ARL13B: variants seen among roughly 807,000 people sequenced by gnomAD.
ARL13B encodes the protein ADP-ribosylation factor-like protein 13B.
In ARL13B, 36 loss-of-function variants were observed where a neutral mutation model predicts 56.1. The ratio of observed to expected loss-of-function variants is 0.64; its 90% CI spans 0.49 to 0.85. The LOEUF (loss-of-function observed/expected upper bound fraction) is 0.85, where lower values mean the gene tolerates loss of function less well. Among genes scored for constraint, ARL13B ranks in the 40% least tolerant of loss-of-function variants. ARL13B has a pLI of 0.00. For missense variants in ARL13B, 519 were observed against 507.1 expected, an observed-to-expected ratio of 1.02 and a Z score of -0.23; for synonymous variants, 178 against 171.1, an observed-to-expected ratio of 1.04 and a Z score of -0.32.
chr3:93,994,022 T>C (rs1055073724), intron 1 of ARL13B, among the ~76,000 whole-genome samples: 1 of 152,200 alleles, frequency 6.6e-6, no homozygotes, highest in African/African-American at 2.4e-5. Context: ...CCATGCTAGG[T>C]ATGGGATGGT....
At chr3:94,001,044 A>C (rs1268490303) in intron 2 of ARL13B, among the ~76,000 whole-genome samples, 2 of 152,188 alleles carry the variant, frequency 1.3e-5, no homozygotes, top group Non-Finnish European at 2.9e-5. Context: ...AATGCTAAGG[A>C]TACAAAGACA....
chr3:94,047,277 A>G (rs1180765151), intron 7 of ARL13B, among the ~76,000 whole-genome samples: 2 of 152,174 alleles, frequency 1.3e-5, no homozygotes, highest in African/African-American at 4.8e-5. Context: ...CTGGATGAAA[A>G]TATTAATTTG....
intron 3 of ARL13B, among the ~76,000 whole-genome samples, chr3:94,018,588 A>G (rs1427781067): frequency 2.0e-5 from 3 of 152,080 alleles, no homozygotes; most frequent in Non-Finnish European, 4.4e-5. Flanking sequence ...TTGTAAGCTG[A>G]TGACCCAAAT....
At chr3:94,049,146 A>G (rs1298410636) in intron 7 of ARL13B, among the ~76,000 whole-genome samples, 7 of 151,476 alleles carry the variant, frequency 4.6e-5, no homozygotes, top group African/African-American at 1.7e-4. Flanking sequence ...ATTCTGAAAA[A>G]CCTCTCAGAA....
At chr3:94,037,157 C>T (rs2076783237) in intron 5 of ARL13B, among the ~76,000 whole-genome samples, 1 of 152,094 alleles carries the variant, frequency 6.6e-6, no homozygotes, top group Admixed American at 6.5e-5. Flanking sequence ...GCCAGGGATG[C>T]AGCTAAACAT....
At chr3:94,046,874 T>C (rs556189224) in intron 7 of ARL13B, among the ~76,000 whole-genome samples, 2 of 152,166 alleles carry the variant, frequency 1.3e-5, no homozygotes, top group Non-Finnish European at 2.9e-5. Flanking sequence ...TTTCTTTTTC[T>C]AACTGGCTAT....
intron 3 of ARL13B, among the ~76,000 whole-genome samples, chr3:94,030,205 A>C (rs571655306): frequency 1.3e-5 from 2 of 152,110 alleles, no homozygotes; most frequent in African/African-American, 4.8e-5. Flanking sequence ...TATAGTTCTG[A>C]ATTTAGAACC....
At chr3:94,039,651 A>G (rs183957653) in intron 5 of ARL13B, among the ~76,000 whole-genome samples, 2 of 152,328 alleles carry the variant, frequency 1.3e-5, no homozygotes, top group African/African-American at 4.8e-5. Context: ...AGTCACTCAT[A>G]GGAAATGTCA....
At chr3:93,996,001 T>A (rs2075959885) in intron 2 of ARL13B, 57 bp downstream of exon 2, 2 of 1,534,520 alleles carry the variant, frequency 1.3e-6, no homozygotes, top group African/African-American at 2.8e-5. Context: ...CTGAATTATT[T>A]ATTTTGTTAA....
intron 5 of ARL13B, among the ~76,000 whole-genome samples, chr3:94,039,181 G>A (rs2076820053): frequency 6.6e-6 from 1 of 152,222 alleles, no homozygotes; most frequent in South Asian, 2.1e-4. Flanking sequence ...AGAAGACTTA[G>A]CCCTTAAGAA....
chr3:94,009,201 A>C (rs2076183215), intron 3 of ARL13B, among the ~76,000 whole-genome samples: 3 of 152,114 alleles, frequency 2.0e-5, no homozygotes, highest in Admixed American at 2.0e-4. Flanking sequence ...AAGTGTATGT[A>C]CATTTTTCTT....
At chr3:93,987,157 A>AT (rs34681323) in intron 1 of ARL13B, among the ~76,000 whole-genome samples, 56,109 of 146,806 alleles carry the variant, frequency 0.38, 11,257 homozygotes, top group East Asian at 0.55. Flanking sequence ...TATATTTCTG[A>AT]TTTTTTTTTT....
chr3:93,999,087 C>CTATTTATT (rs6147954), intron 2 of ARL13B, among the ~76,000 whole-genome samples: 19 of 149,512 alleles, frequency 1.3e-4, no homozygotes, highest in East Asian at 5.8e-4. Flanking sequence ...AATTCATATT[C>CTATTTATT]TATTTATTTA....
At position 94,054,154 on chromosome 3, in the gene ARL13B, A is replaced by G. The variant is rs925899402; in HGVS notation, c.*891A>G. 6.8e-5 allele frequency: 31 copies of G among 453,284 alleles called. No individual in the cohort carries two copies. In the Admixed American group the frequency reaches 7.3e-4, roughly 11 times the overall value. 28.1% of individuals were successfully genotyped at this position (453,284 alleles called of 1,614,324 possible). On this transcript the variant is annotated 3_prime_UTR_variant, in exon 10 of 10. Transcript: ENST00000394222. ...ACTCCCTTGTTCCATCAGAAGCTGC[A>G]GTGACTCTTTTAGGTGATTCTAATT...
rs1003521644 is a variant in ARL13B at position 94,024,311 on chromosome 3, T to C, written c.381-11020T>C. On this transcript the variant is annotated intron_variant, in intron 3 of 9. Transcript: ENST00000394222. ...AAACTGGGTTGCACCCGTGTAAATATAGGGAAAAAGAAAGAGTAACAATGT... is the reference window on the plus strand; with the variant it reads ...AAACTGGGTTGCACCCGTGTAAATACAGGGAAAAAGAAAGAGTAACAATGT... Among the ~76,000 whole-genome samples the C allele has an allele frequency of 7.2e-5, 11 of 152,280 alleles. 1 individual carries two copies. Among genetic ancestry groups the C allele is most frequent in the Admixed American group, 5.2e-4 (8 of 15,290 alleles).
intron 3 of ARL13B, among the ~76,000 whole-genome samples, chr3:94,024,183 G>C (rs2076507879): frequency 6.6e-6 from 1 of 152,056 alleles, no homozygotes; most frequent in African/African-American, 2.4e-5. Flanking sequence ...TGTCCAGGCT[G>C]GTCTTGAACT....
In ARL13B at chr3:94,036,685, A is replaced by G. The variant is rs745690517; in HGVS notation, c.620A>G (p.Glu207Gly). The G allele has an allele frequency of 6.2e-7, 1 of 1,614,136 alleles. No homozygotes were observed. Among genetic ancestry groups the G allele is most frequent in the East Asian group, 2.2e-5 (1 of 44,864 alleles). Reference sequence around the variant, plus strand: ...GAACGCATCCAAAAAGAGACAACAGAGCAGCGTGCTCTTGAGGAACAAGAG... The same window carrying G: ...GAACGCATCCAAAAAGAGACAACAGGGCAGCGTGCTCTTGAGGAACAAGAG... Reference protein sequence around the residue: ...LNERIQKETTEQRALEEQEKQ... With the variant: ...LNERIQKETTGQRALEEQEKQ... The change falls in exon 5 of 10, where the codon GAG (glutamate) becomes GGG (glycine). Residue 207 changes from glutamate (E) to glycine (G), a missense_variant. Coordinates refer to ENST00000394222, the MANE Select transcript of ARL13B (RefSeq NM_001174150.2).
chr3:94,042,354 T>C (rs928729515), intron 6 of ARL13B, among the ~76,000 whole-genome samples: 28 of 152,066 alleles, frequency 1.8e-4, no homozygotes, highest in African/African-American at 6.8e-4. Context: ...AGCAATTTAA[T>C]CTAAAAAAAT....
intron 1 of ARL13B, chr3:93,988,988 C>A: frequency 3.4e-6 from 1 of 294,176 alleles, no homozygotes; most frequent in Non-Finnish European, 6.6e-6. Flanking sequence ...CTGTGGGCCA[C>A]GGAGCTGAGA....
Sources: allele counts gnomAD v4.1 joint callset (sites outside exome capture counted in the v4.1 genomes callset), GRCh38; gene constraint gnomAD v4.1.1; transcripts MANE v1.5; gene names NCBI Gene and HGNC (gene_info 2026-07-23, HGNC 2026-07-21).